Variants in BASP1 observed in about 807,000 individuals in gnomAD.
BASP1 encodes the protein brain abundant membrane attached signal protein 1.
A neutral mutation model predicts 2.2 loss-of-function variants in BASP1; 1 was observed. The ratio of observed to expected loss-of-function variants is 0.46; its 90% CI spans 0.16 to 2.17. The LOEUF (loss-of-function observed/expected upper bound fraction) is 2.17, where lower values mean the gene tolerates loss of function less well. Ranked by LOEUF, BASP1 falls within the 30% of genes most tolerant of loss-of-function variation. BASP1 has a pLI of 0.27. For missense variants in BASP1, 352 were observed against 327.2 expected (o/e 1.08, Z -0.58); for synonymous variants, 187 against 154.2 (o/e 1.21, Z -1.58).
intron 1 of BASP1, among the ~76,000 whole-genome samples, chr5:17,245,130 C>T (rs1413007285): frequency 6.6e-6 from 1 of 151,066 alleles, no homozygotes; most frequent in Non-Finnish European, 1.5e-5. Flanking sequence ...GATGAAACCC[C>T]GTCTCTACTA....
chr5:17,250,635 C>T (rs886385119), intron 1 of BASP1, among the ~76,000 whole-genome samples: 12 of 152,058 alleles, frequency 7.9e-5, no homozygotes, highest in Admixed American at 5.9e-4. Context: ...GACGGAGTCT[C>T]GCTTTGTCGC....
intron 1 of BASP1, among the ~76,000 whole-genome samples, chr5:17,246,483 G>A (rs1739994454): frequency 6.6e-6 from 1 of 152,078 alleles, no homozygotes; most frequent in African/African-American, 2.4e-5. Context: ...GTGAGACTGT[G>A]TCTCAATAAA....
chr5:17,246,643 A>G (rs1739997574), intron 1 of BASP1, among the ~76,000 whole-genome samples: 1 of 150,306 alleles, frequency 6.7e-6, no homozygotes, highest in Non-Finnish European at 1.5e-5. Context: ...TCATGATTAG[A>G]GGAATGAATA....
At chr5:17,242,105 A>G (rs1220563071) in intron 1 of BASP1, among the ~76,000 whole-genome samples, 2 of 152,122 alleles carry the variant, frequency 1.3e-5, no homozygotes, top group Non-Finnish European at 2.9e-5. Flanking sequence ...CTCTCCTTTC[A>G]TTCCCCTCCT....
intron 1 of BASP1, among the ~76,000 whole-genome samples, chr5:17,226,568 G>A (rs1295008269): frequency 2.6e-5 from 4 of 152,202 alleles, no homozygotes; most frequent in African/African-American, 7.2e-5. Context: ...AGGTTTCCTC[G>A]GAGTTATTGG....
At chr5:17,267,456 A>C (rs1740435040) in intron 1 of BASP1, among the ~76,000 whole-genome samples, 2 of 152,128 alleles carry the variant, frequency 1.3e-5, no homozygotes, top group Non-Finnish European at 2.9e-5. Context: ...ATGTTAAAAA[A>C]CATTCTGTGC....
At chr5:17,219,088 T>C (rs968273091) in intron 1 of BASP1, among the ~76,000 whole-genome samples, 10 of 151,894 alleles carry the variant, frequency 6.6e-5, no homozygotes, top group African/African-American at 2.4e-4. Context: ...TGCTATAGGG[T>C]TGTGGACCGA....
At chr5:17,234,914 A>C (rs1214247472) in intron 1 of BASP1, among the ~76,000 whole-genome samples, 1 of 152,238 alleles carries the variant, frequency 6.6e-6, no homozygotes, top group East Asian at 1.9e-4. Context: ...AAAGAGTTTT[A>C]TGTGAATATC....
intron 1 of BASP1, among the ~76,000 whole-genome samples, chr5:17,255,875 C>G (rs969598450): frequency 1.3e-5 from 2 of 152,156 alleles, no homozygotes; most frequent in African/African-American, 4.8e-5. Flanking sequence ...AATGCTGTCA[C>G]CAGTATATTT....
chr5:17,247,225 G>T (rs1740010951), intron 1 of BASP1, among the ~76,000 whole-genome samples: 2 of 152,136 alleles, frequency 1.3e-5, no homozygotes, highest in South Asian at 4.1e-4. Flanking sequence ...AATGCCATTT[G>T]GATTTCTGAA....
At chr5:17,241,185 C>T (rs1194245434) in intron 1 of BASP1, among the ~76,000 whole-genome samples, 3 of 151,690 alleles carry the variant, frequency 2.0e-5, no homozygotes, top group Non-Finnish European at 2.9e-5. Flanking sequence ...CTGCAACTCC[C>T]ACCTCTCAGA....
At position 17,253,384 on chromosome 5, in the gene BASP1, G is replaced by C. The variant is rs1338939686; in HGVS notation, c.-9-21824G>C. ...CGCCACCATGCCCAGCTAATTCTTT[G>C]TATTTTTTGCAGAGATGGGGGTCTC... On this transcript the variant is annotated intron_variant, in intron 1 of 1. Coordinates refer to ENST00000322611, the MANE Select transcript of BASP1 (RefSeq NM_006317.5). Among the ~76,000 whole-genome samples the C allele has an allele frequency of 2.6e-5, 4 of 152,134 alleles. No individual in the cohort carries two copies. In the East Asian group the frequency reaches 7.7e-4, roughly 29 times the overall value.
chr5:17,229,632 G>T (rs1304012570), intron 1 of BASP1, among the ~76,000 whole-genome samples: 3 of 152,150 alleles, frequency 2.0e-5, no homozygotes, highest in Non-Finnish European at 4.4e-5. Context: ...AGATGCACCC[G>T]CATTAACACA....
intron 1 of BASP1, among the ~76,000 whole-genome samples, chr5:17,243,576 T>G (rs1307801515): frequency 1.3e-5 from 2 of 152,254 alleles, no homozygotes; most frequent in East Asian, 3.8e-4. Flanking sequence ...CCATAAGGGT[T>G]GGCTGTTCCT....
chr5:17,266,814 CAAAAAAAAA>C (rs70943882), intron 1 of BASP1, among the ~76,000 whole-genome samples: 9 of 111,482 alleles, frequency 8.1e-5, no homozygotes, highest in East Asian at 2.6e-4. Flanking sequence ...GATCCTGTCT[CAAAAAAAAA>C]AAAAAAAAAA....
Position 17,249,218 on chromosome 5 carries a change from G to T in BASP1, c.-9-25990G>T, listed in dbSNP as rs554652106. Among the ~76,000 whole-genome samples the T allele has an allele frequency of 4.2e-4, 64 of 152,204 alleles. 1 individual carries two copies. The highest frequency in any genetic ancestry group is 2.9e-3 in the Admixed American group (44 of 15,294). On this transcript the variant is annotated intron_variant, in intron 1 of 1. Transcript: ENST00000322611. The stretch of plus-strand genomic sequence containing the variant: ...CCCTGTTGTTGGCCTTGCATTGATG[G>T]TGGGCCTGTCCTGTGTGGGGTGCAG...
intron 1 of BASP1, among the ~76,000 whole-genome samples, chr5:17,221,301 CA>C (rs1454319698): frequency 6.6e-6 from 1 of 150,972 alleles, no homozygotes; most frequent in African/African-American, 2.4e-5. Context: ...CTGGAATAAA[CA>C]ATGCCTACTA....
At chr5:17,256,480 T>G (rs1349599343) in intron 1 of BASP1, among the ~76,000 whole-genome samples, 2 of 152,202 alleles carry the variant, frequency 1.3e-5, no homozygotes, top group African/African-American at 4.8e-5. Context: ...TGAATTTGAG[T>G]GCTCAATAGA....
At chr5:17,242,495 T>C (rs1017889191) in intron 1 of BASP1, among the ~76,000 whole-genome samples, 1 of 151,928 alleles carries the variant, frequency 6.6e-6, no homozygotes, top group Non-Finnish European at 1.5e-5. Flanking sequence ...TGACACATCA[T>C]TGTCACCCAA....
Sources: allele counts gnomAD v4.1 joint callset (sites outside exome capture counted in the v4.1 genomes callset), GRCh38; gene constraint gnomAD v4.1.1; transcripts MANE v1.5; gene names NCBI Gene and HGNC (gene_info 2026-07-23, HGNC 2026-07-21).